Variants in LCA5L observed in about 807,000 individuals in gnomAD.
The protein encoded by LCA5L is lebercilin-like protein.
LCA5L carries 35 observed loss-of-function variants against 45.4 expected under a neutral mutation model. That is an observed-to-expected ratio of 0.77 (90% CI 0.59 to 1.02). The LOEUF is 1.02. LCA5L is among the 50% of genes least tolerant of loss of function. LCA5L has a pLI of 0.00. For synonymous variants in LCA5L, 233 were observed against 264.7 expected (o/e 0.88, Z 1.16); for missense variants, 668 against 761.6 (o/e 0.88, Z 1.45).
intron 7 of LCA5L, among the ~76,000 whole-genome samples, chr21:39,415,474 C>G (rs7279753): frequency 0.23 from 34,817 of 152,008 alleles, 4,312 homozygotes; most frequent in African/African-American, 0.32. Context: ...TCTCTCTGAC[C>G]ACTCCCCAGC....
At chr21:39,417,197 T>A (rs2041349970) in intron 7 of LCA5L, among the ~76,000 whole-genome samples, 1 of 152,142 alleles carries the variant, frequency 6.6e-6, no homozygotes, top group Admixed American at 6.6e-5. Flanking sequence ...CACACCTGGC[T>A]AATTTTTTTA....
At chr21:39,411,019 AAAG>A (rs1463663140) in intron 8 of LCA5L, 22 of 445,352 alleles carry the variant, frequency 4.9e-5, no homozygotes, top group South Asian at 3.1e-4. Flanking sequence ...CTCTTGAAGA[AAAG>A]AAGACCTCAC....
At chr21:39,429,026 T>C (rs2075357139) in intron 4 of LCA5L, 105 bp downstream of exon 4, 1 of 152,194 alleles carries the variant, frequency 6.6e-6, no homozygotes, top group African/African-American at 2.4e-5. Context: ...TTTATACCCT[T>C]AATAAAATTA....
intron 6 of LCA5L, among the ~76,000 whole-genome samples, chr21:39,421,100 CGT>C (rs1491219585): frequency 3.4e-5 from 5 of 147,238 alleles, no homozygotes; most frequent in African/African-American, 7.6e-5. Flanking sequence ...TTTAACAATT[CGT>C]TTTTTTTTTT....
At chr21:39,437,793 A>T (rs774096746) in intron 2 of LCA5L, among the ~76,000 whole-genome samples, 7 of 152,206 alleles carry the variant, frequency 4.6e-5, no homozygotes, top group South Asian at 4.1e-4. Flanking sequence ...AAAATAGATG[A>T]AACATACCCC....
rs59297439 is a variant in LCA5L, at chr21:39,428,599, T to TATATATATATATATATA, written c.-10-97_-10-96insTATATATATATATATAT. The TATATATATATATATATA allele has an allele frequency of 2.8e-3, 56 of 19,812 alleles. 4 individuals carry two copies. Among genetic ancestry groups the TATATATATATATATATA allele is most frequent in the South Asian group, 5.3e-3 (2 of 378 alleles). 1.2% of individuals were successfully genotyped at this position (19,812 alleles called of 1,614,324 possible). A position where few individuals can be genotyped will look rare whatever the true frequency, so the allele number is the denominator to read the frequency against. On this transcript the variant is annotated intron_variant, in intron 4 of 10. Transcript: ENST00000288350. ...TATTTTATATATATATATATATATA[T>TATATATATATATATATA]TTTTTTTTTTTTTTTTTTTTTTTTT...
At chr21:39,418,098 C>G (rs2041613829) in intron 7 of LCA5L, among the ~76,000 whole-genome samples, 2 of 152,138 alleles carry the variant, frequency 1.3e-5, no homozygotes, top group Admixed American at 1.3e-4. Context: ...CATCAGATCT[C>G]ATGAGACTTA....
chr21:39,444,114 T>A (rs2077167915), intron 2 of LCA5L, 21 bp downstream of exon 2: 1 of 151,954 alleles, frequency 6.6e-6, no homozygotes, highest in Non-Finnish European at 1.5e-5. Flanking sequence ...TTGATCGCGG[T>A]ATCAGCACCC....
intron 2 of LCA5L, among the ~76,000 whole-genome samples, chr21:39,437,520 C>T (rs939032599): frequency 2.6e-5 from 4 of 152,060 alleles, no homozygotes; most frequent in Non-Finnish European, 4.4e-5. Context: ...AGTGCAGTAG[C>T]GTGATCACAG....
intron 3 of LCA5L, among the ~76,000 whole-genome samples, chr21:39,433,975 C>T (rs1239817041): frequency 2.1e-5 from 3 of 142,612 alleles, no homozygotes; most frequent in African/African-American, 7.9e-5. Flanking sequence ...TGCCAATTCT[C>T]CTGCCTTGGC....
chr21:39,414,738 C>CTGTGTGTG (rs763309098), intron 7 of LCA5L, among the ~76,000 whole-genome samples: 3,824 of 106,912 alleles, frequency 0.036, 72 homozygotes, highest in Middle Eastern at 0.068. Flanking sequence ...CTCTCTCTCT[C>CTGTGTGTG]TCTCTGTGTG....
chr21:39,424,604 G>A (rs2074322711), intron 5 of LCA5L, among the ~76,000 whole-genome samples: 2 of 152,020 alleles, frequency 1.3e-5, no homozygotes, highest in Non-Finnish European at 2.9e-5. Context: ...ATATGTTATG[G>A]GTAATTAGAG....
In LCA5L at chr21:39,423,178, T is replaced by G. The variant is rs748443299; in HGVS notation, c.635A>C (p.Gln212Pro). 9 of 1,613,186 alleles carry G rather than the reference T, an allele frequency of 5.6e-6. No individual in the cohort carries two copies. The East Asian group carries it at 6.7e-5, about 12-fold the overall frequency. The change falls in exon 6 of 11, where the codon CAA (glutamine) becomes CCA (proline). Residue 212 changes from glutamine (Q) to proline (P), a missense_variant. By Grantham distance (76) the Gln-to-Pro change is moderately conservative (BLOSUM62 -1). Coordinates refer to ENST00000288350, the MANE Select transcript of LCA5L (RefSeq NM_152505.4). ...CTTTTCCTGGGATTTCCTAAGTAGTTGCCTTAAATTTTTTACTTCATTCTG... is the reference window on the plus strand; with the variant it reads ...CTTTTCCTGGGATTTCCTAAGTAGTGGCCTTAAATTTTTTACTTCATTCTG... ...KHQNEVKNLRQLLRKSQEKER... is the reference protein window; with the variant it reads ...KHQNEVKNLRPLLRKSQEKER...
chr21:39,427,084 A>G (rs2074852017), intron 5 of LCA5L, among the ~76,000 whole-genome samples: 1 of 152,234 alleles, frequency 6.6e-6, no homozygotes, highest in African/African-American at 2.4e-5. Flanking sequence ...ACAGCTGGTA[A>G]CAGCAGACTG....
intron 3 of LCA5L, among the ~76,000 whole-genome samples, chr21:39,433,570 A>T (rs543697870): frequency 5.9e-4 from 90 of 152,176 alleles, no homozygotes; most frequent in African/African-American, 2.1e-3. Flanking sequence ...ATTAAAATTC[A>T]TTTTTTGGTA....
intron 4 of LCA5L, 75 bp from the exon 5 acceptor site, chr21:39,428,578 T>TATATATATATATATATATA (rs2075179434): frequency 1.7e-5 from 1 of 58,040 alleles, no homozygotes; most frequent in Non-Finnish European, 3.1e-5. Context: ...ATGCTTTATT[T>TATATATATATATATATATA]TATATATATA....
chr21:39,435,586 TACAA>T lies in LCA5L; in HGVS notation c.-245-17_-245-14del, dbSNP rs1167053463. 1.3e-5 allele frequency: 2 copies of T among 152,206 alleles called. No homozygotes were observed. The highest frequency in any genetic ancestry group is 6.5e-5 in the Admixed American group (1 of 15,272). 9.4% of individuals were successfully genotyped at this position (152,206 alleles called of 1,614,324 possible). On this transcript the variant is annotated splice_polypyrimidine_tract_variant and intron_variant, in intron 2 of 10. Transcript: ENST00000288350. ...TATTTTAAAAAACCTAAAATGGTAT[TACAA>T]AAGGAAAATGTTACAATCTCACAAA...
intron 7 of LCA5L, among the ~76,000 whole-genome samples, chr21:39,414,734 C>CTGTGTGTGTGTG (rs1446676855): frequency 2.0e-4 from 21 of 103,256 alleles, no homozygotes; most frequent in African/African-American, 7.4e-4. Context: ...CTCTCTCTCT[C>CTGTGTGTGTGTG]TCTCTCTCTG....
intron 7 of LCA5L, among the ~76,000 whole-genome samples, chr21:39,412,801 C>G (rs2147246389): frequency 6.6e-6 from 1 of 152,288 alleles, no homozygotes; most frequent in East Asian, 1.9e-4. Flanking sequence ...CCCCGCCGCC[C>G]CATTCATCAT....
Sources: gnomAD v4.1 joint callset for allele counts (sites outside exome capture counted in the v4.1 genomes callset) on GRCh38, gnomAD v4.1.1 for gene constraint, MANE v1.5 for transcripts, NCBI Gene and HGNC (gene_info 2026-07-23, HGNC 2026-07-21) for gene names.